The following MYH7B variants were observed in gnomAD, a reference collection of about 807,000 sequenced individuals.
The protein encoded by MYH7B is myosin-7B.
MYH7B carries 205 observed loss-of-function variants against 234.5 expected under a neutral mutation model. The ratio of observed to expected loss-of-function variants is 0.87; its 90% CI spans 0.78 to 0.98. MYH7B has a LOEUF of 0.98. Among genes scored for constraint, MYH7B ranks in the 50% least tolerant of loss-of-function variants. The pLI is 0.00. For missense variants in MYH7B, 2,652 were observed against 2,633.4 expected (o/e 1.01, Z -0.15); for synonymous variants, 1,193 against 1,105.0 (o/e 1.08, Z -1.58).
chr20:34,996,161 G>A (rs1334292544), intron 28 of MYH7B, among the ~76,000 whole-genome samples, 185 bp from the exon 29 acceptor site: 1 of 152,186 alleles, frequency 6.6e-6, no homozygotes, highest in African/African-American at 2.4e-5. Flanking sequence ...GCATCCACTC[G>A]TGAATCCTCA....
At chr20:34,961,070 C>A (rs1224407626) in intron 2 of MYH7B, among the ~76,000 whole-genome samples, 1 of 152,166 alleles carries the variant, frequency 6.6e-6, no homozygotes, top group African/African-American at 2.4e-5. Flanking sequence ...TCCAGGGATC[C>A]TCAGAGACCT....
chr20:34,997,572 G>A (rs370007426), exon 32 of MYH7B: 40 of 1,613,078 alleles, frequency 2.5e-5, no homozygotes, highest in Non-Finnish European at 5.9e-6. Context: ...GCTGGAGAAG[G>A]AGAAGAGTGA....
intron 2 of MYH7B, among the ~76,000 whole-genome samples, chr20:34,969,347 G>A (rs1169401802): frequency 1.3e-5 from 2 of 151,992 alleles, no homozygotes; most frequent in Non-Finnish European, 2.9e-5. Flanking sequence ...ACGATTTAAA[G>A]TTCAAAGGGT....
At chr20:34,999,530 C>A (rs1307736455) in intron 36 of MYH7B, 41 bp from the exon 37 acceptor site, 1 of 1,556,760 alleles carries the variant, frequency 6.4e-7, no homozygotes, top group Non-Finnish European at 8.7e-7. Flanking sequence ...GGTGGGAGTA[C>A]AAGCCATGGG....
intron 2 of MYH7B, among the ~76,000 whole-genome samples, chr20:34,966,968 C>T (rs933361870): frequency 9.9e-5 from 15 of 151,994 alleles, no homozygotes; most frequent in Admixed American, 5.9e-4. Flanking sequence ...CGGTGGCTCA[C>T]ACCTGTAATC....
chr20:34,981,173 T>C, intron 9 of MYH7B, 113 bp downstream of exon 9: 2 of 1,345,982 alleles, frequency 1.5e-6, no homozygotes, highest in East Asian at 2.3e-5. Flanking sequence ...CCAGGACTTT[T>C]ACCACCTGGA....
intron 22 of MYH7B, 112 bp from the exon 23 acceptor site, chr20:34,990,626 A>G (rs141383026): frequency 1.0e-6 from 1 of 974,372 alleles, no homozygotes; most frequent in Non-Finnish European, 1.6e-6. Flanking sequence ...GTGAAAGAGC[A>G]AAAGTGCAGG....
At chr20:34,980,650 G>A (rs995851955) in exon 8 of MYH7B, 2 of 1,614,178 alleles carry the variant, frequency 1.2e-6, no homozygotes, top group Non-Finnish European at 1.7e-6. Flanking sequence ...CTCCGTAGTG[G>A]CTGCTTACAA....
intron 43 of MYH7B, 133 bp from the exon 44 acceptor site, chr20:35,001,815 G>A: frequency 1.5e-6 from 2 of 1,373,668 alleles, no homozygotes; most frequent in East Asian, 2.3e-5. Context: ...TGTGGTATTG[G>A]TGAGGATGGA....
intron 37 of MYH7B, 41 bp from the exon 38 acceptor site, chr20:34,999,750 T>TTGGCCCCCCCC: frequency 7.6e-7 from 1 of 1,320,532 alleles, no homozygotes; most frequent in South Asian, 1.4e-5. Flanking sequence ...CCACTGGCCA[T>TTGGCCCCCCCC]CCCCCCCCCC....
intron 24 of MYH7B, 58 bp downstream of exon 24, chr20:34,991,179 G>A: frequency 7.9e-7 from 1 of 1,258,328 alleles, no homozygotes; most frequent in East Asian, 2.3e-5. Context: ...GGGCTGGGCA[G>A]GACACACATA....
intron 2 of MYH7B, among the ~76,000 whole-genome samples, chr20:34,974,171 C>T (rs1478294614): frequency 3.9e-5 from 6 of 151,992 alleles, no homozygotes. Context: ...AGGTAATCCA[C>T]CCGCCTTGGC....
At chr20:34,985,457 G>A (rs1289254746) in intron 13 of MYH7B, among the ~76,000 whole-genome samples, 3 of 152,072 alleles carry the variant, frequency 2.0e-5, no homozygotes, top group Non-Finnish European at 4.4e-5. Context: ...TGCACCCCTA[G>A]CGTGTCCCCA....
intron 22 of MYH7B, 125 bp from the exon 23 acceptor site, chr20:34,990,611 TGA>T (rs1010744380): frequency 1.7e-5 from 14 of 808,464 alleles, no homozygotes; most frequent in Non-Finnish European, 2.5e-5. Context: ...ATCACCAGAA[TGA>T]GAGTGAAAGA....
At chr20:35,001,204 C>A (rs2082372012) in intron 41 of MYH7B, 41 bp from the exon 42 acceptor site, 1 of 1,606,010 alleles carries the variant, frequency 6.2e-7, no homozygotes, top group Admixed American at 1.7e-5. Context: ...GGTGGGTGAC[C>A]CAGGGGTGGG....
chr20:34,982,266 C>T (rs1261413844), intron 9 of MYH7B, among the ~76,000 whole-genome samples, 193 bp from the exon 10 acceptor site: 1 of 152,038 alleles, frequency 6.6e-6, no homozygotes, highest in African/African-American at 2.4e-5. Flanking sequence ...ACAATGGCAT[C>T]ATCGTGTGTT....
chr20:34,987,597 G>A lies in MYH7B; in HGVS notation c.1188G>A (p.Gly396=), dbSNP rs368364265. Residue 396 remains glycine, a synonymous_variant, in exon 17 of 45, where the codon GGG becomes GGA. Transcript: ENST00000262873. ...CCTACCTGATGGGGGTCAGCAGTGG[G>A]GACCTCCTCAAAGGCCTTTTGCACC... 201 of 1,614,048 alleles carry A rather than the reference G, an allele frequency of 1.2e-4. No homozygotes were observed. The East Asian group carries it at 3.7e-3, about 30-fold the overall frequency.
At chr20:34,982,425 T>G (rs746611850) in intron 9 of MYH7B, 34 bp from the exon 10 acceptor site, 6 of 1,595,016 alleles carry the variant, frequency 3.8e-6, no homozygotes, top group Non-Finnish European at 5.2e-6. Flanking sequence ...TTAGGCCAGA[T>G]GGGCATTGGT....
chr20:34,989,693 G>C (rs1202916275), intron 19 of MYH7B, 47 bp from the exon 20 acceptor site: 2 of 1,582,692 alleles, frequency 1.3e-6, no homozygotes, highest in African/African-American at 1.3e-5. Flanking sequence ...AGTCCTTCCA[G>C]GATGGACTGG....
Sources: gnomAD v4.1 joint callset for allele counts (sites outside exome capture counted in the v4.1 genomes callset) on GRCh38, gnomAD v4.1.1 for gene constraint, MANE v1.5 for transcripts, NCBI Gene and HGNC (gene_info 2026-07-23, HGNC 2026-07-21) for gene names.